The following DLG2 variants were observed in gnomAD, a reference collection of about 807,000 sequenced individuals.
DLG2 encodes disks large homolog 2.
Under a neutral mutation model 132.5 loss-of-function variants are expected in DLG2, and 45 were observed. The observed-to-expected ratio is 0.34, with a 90% CI of 0.27 to 0.44. The LOEUF (loss-of-function observed/expected upper bound fraction) is 0.44, where lower values mean the gene tolerates loss of function less well. Ranked by LOEUF, DLG2 falls within the 20% of genes least tolerant of loss-of-function variation. The pLI is 1.00. For missense variants in DLG2, 1,045 were observed against 1,196.9 expected, an observed-to-expected ratio of 0.87 and a Z score of 1.87; for synonymous variants, 424 against 419.6, an observed-to-expected ratio of 1.01 and a Z score of -0.13.
chr11:85,511,278 C>T (rs938951578), intron 3 of DLG2, among the ~76,000 whole-genome samples: 5 of 151,772 alleles, frequency 3.3e-5, no homozygotes, highest in South Asian at 2.1e-4. Flanking sequence ...TGCTAAATGA[C>T]GAGTTAATGG....
At chr11:84,403,309 T>C (rs2098837117) in intron 7 of DLG2, among the ~76,000 whole-genome samples, 1 of 152,216 alleles carries the variant, frequency 6.6e-6, no homozygotes, top group African/African-American at 2.4e-5. Context: ...ATACCCTGCC[T>C]CAAAGATTTG....
intron 3 of DLG2, among the ~76,000 whole-genome samples, chr11:85,437,002 G>T (rs1210962685): frequency 1.3e-5 from 2 of 152,180 alleles, no homozygotes; most frequent in Non-Finnish European, 2.9e-5. Flanking sequence ...CCTTTGCAGG[G>T]ACATGGATGA....
chr11:84,649,149 G>A (rs181815305), intron 6 of DLG2, among the ~76,000 whole-genome samples: 237 of 152,088 alleles, frequency 1.6e-3, no homozygotes, highest in Non-Finnish European at 2.8e-3. Flanking sequence ...TTTGTTCTTT[G>A]TTTTCTTCCT....
At chr11:83,650,274 T>C (rs1164187944) in intron 18 of DLG2, among the ~76,000 whole-genome samples, 3 of 152,164 alleles carry the variant, frequency 2.0e-5, no homozygotes, top group East Asian at 1.9e-4. Context: ...CTGGATTATA[T>C]GAATGTGTCC....
intron 10 of DLG2, among the ~76,000 whole-genome samples, chr11:84,074,485 C>A (rs2154147547): frequency 6.6e-6 from 1 of 152,044 alleles, no homozygotes; most frequent in Non-Finnish European, 1.5e-5. Context: ...GGTTCCACTC[C>A]TGTTTTCTTT....
At chr11:85,273,149 C>T (rs1307685311) in intron 4 of DLG2, among the ~76,000 whole-genome samples, 2 of 152,124 alleles carry the variant, frequency 1.3e-5, no homozygotes, top group Non-Finnish European at 2.9e-5. Flanking sequence ...ACCATAAAAA[C>T]CCTAGAAGAA....
intron 7 of DLG2, among the ~76,000 whole-genome samples, chr11:84,342,238 A>G: frequency 6.6e-6 from 1 of 152,134 alleles, no homozygotes; most frequent in Non-Finnish European, 1.5e-5. Flanking sequence ...CTAGATCCCA[A>G]CTGGGGAGAA....
intron 6 of DLG2, among the ~76,000 whole-genome samples, chr11:84,821,271 A>C (rs540946648): frequency 2.6e-5 from 4 of 151,918 alleles, no homozygotes; most frequent in Admixed American, 2.0e-4. Context: ...CATGAATATA[A>C]AGAACTCTGA....
At chr11:85,066,771 T>TCA (rs1345088918) in intron 6 of DLG2, among the ~76,000 whole-genome samples, 1 of 151,512 alleles carries the variant, frequency 6.6e-6, no homozygotes, top group Non-Finnish European at 1.5e-5. Context: ...TCAACAAACT[T>TCA]AGCATCAAAA....
intron 10 of DLG2, among the ~76,000 whole-genome samples, chr11:84,079,278 G>GTTTTTTTTTT (rs34283629): frequency 2.0e-5 from 3 of 147,260 alleles, no homozygotes; most frequent in Admixed American, 6.7e-5. Flanking sequence ...TTTTTGGTTT[G>GTTTTTTTTTT]TTTTTTTTTT....
chr11:83,689,982 ATAT>A lies in DLG2; in HGVS notation c.1826-56660_1826-56658del, dbSNP rs1447028084. 9.4e-3 allele frequency among the ~76,000 whole-genome samples: 1,249 copies of A among 132,686 alleles called. 12 individuals are homozygous for A. Among genetic ancestry groups the A allele is most frequent in the African/African-American group, 0.034 (1,179 of 34,322 alleles). The allele number at this position is 132,686 out of a possible 152,430, so 87.0% of individuals were successfully genotyped here. On this transcript the variant is annotated intron_variant, in intron 18 of 27. Coordinates refer to ENST00000376104, the MANE Select transcript of DLG2 (RefSeq NM_001142699.3). ...ATATAATATATATTTATATTATAAT[ATAT>A]TTATTATAATATTATATTTATTATA...
At chr11:85,085,726 T>C (rs1001165537) in intron 6 of DLG2, among the ~76,000 whole-genome samples, 12 of 152,226 alleles carry the variant, frequency 7.9e-5, no homozygotes, top group African/African-American at 2.4e-4. Flanking sequence ...CTTAACTCTT[T>C]TTGCAAGGTT....
At chr11:85,404,146 C>A (rs1398893122) in intron 3 of DLG2, among the ~76,000 whole-genome samples, 1 of 151,828 alleles carries the variant, frequency 6.6e-6, no homozygotes, top group Non-Finnish European at 1.5e-5. Flanking sequence ...GTAGGATCCA[C>A]GTTATGATAC....
chr11:83,647,709 C>T (rs1176682526), intron 18 of DLG2: 1 of 152,152 alleles, frequency 6.6e-6, no homozygotes, highest in Non-Finnish European at 1.5e-5. Flanking sequence ...TCTTGACCGA[C>T]TTCTTTTTGG....
chr11:84,331,104 C>A (rs2098456303), intron 7 of DLG2, among the ~76,000 whole-genome samples: 1 of 152,180 alleles, frequency 6.6e-6, no homozygotes, highest in African/African-American at 2.4e-5. Context: ...CCAGAAGCAT[C>A]TGCAGTTTCT....
At chr11:84,116,980 C>T (rs1478900636) in intron 9 of DLG2, among the ~76,000 whole-genome samples, 1 of 152,214 alleles carries the variant, frequency 6.6e-6, no homozygotes, top group African/African-American at 2.4e-5. Context: ...GTCACCTAAT[C>T]AAACCCCAGT....
At chr11:85,293,011 A>C (rs2079008689) in intron 3 of DLG2, among the ~76,000 whole-genome samples, 1 of 152,046 alleles carries the variant, frequency 6.6e-6, no homozygotes, top group Non-Finnish European at 1.5e-5. Context: ...AATCTGAAAT[A>C]ATTTGAGCCT....
chr11:84,203,304 C>T (rs528443799), intron 8 of DLG2, among the ~76,000 whole-genome samples: 2 of 152,048 alleles, frequency 1.3e-5, no homozygotes, highest in Admixed American at 1.3e-4. Flanking sequence ...TGCGATCCGC[C>T]AGGTGTGGTG....
At chr11:84,814,463 TAGGGC>T (rs2076891355) in intron 6 of DLG2, among the ~76,000 whole-genome samples, 2 of 152,080 alleles carry the variant, frequency 1.3e-5, no homozygotes, top group African/African-American at 4.8e-5. Context: ...CGCAAGCCCA[TAGGGC>T]ATGGCTCCCC....
Sources: allele counts gnomAD v4.1 joint callset (sites outside exome capture counted in the v4.1 genomes callset), GRCh38; gene constraint gnomAD v4.1.1; transcripts MANE v1.5; gene names NCBI Gene and HGNC (gene_info 2026-07-23, HGNC 2026-07-21).